FRMD6: variants seen among roughly 807,000 people sequenced by gnomAD.
FRMD6 encodes the protein FERM domain-containing protein 6.
In FRMD6, 37 loss-of-function variants were observed where a neutral mutation model predicts 73.2. The observed-to-expected ratio is 0.51, with a 90% CI of 0.39 to 0.66. FRMD6 has a LOEUF of 0.66. Ranked by LOEUF, FRMD6 falls within the 30% of genes least tolerant of loss-of-function variation. The probability of loss-of-function intolerance (pLI) is 0.00; values close to 1 mark genes in which losing one functional copy is unlikely to be tolerated. For missense variants in FRMD6, 714 were observed against 780.5 expected (o/e 0.91, Z 1.02); for synonymous variants, 273 against 282.2 (o/e 0.97, Z 0.33).
At chr14:51,399,758 T>C in the FRMD6 span, among the ~76,000 whole-genome samples, 1 of 152,208 alleles carries the variant, frequency 6.6e-6, no homozygotes, top group Non-Finnish European at 1.5e-5. Context: ...ATTTATATTA[T>C]TGATTGACTC....
At chr14:51,537,908 C>A (rs1199015425) in intron 1 of FRMD6, among the ~76,000 whole-genome samples, 3 of 152,042 alleles carry the variant, frequency 2.0e-5, no homozygotes, top group South Asian at 2.1e-4. Flanking sequence ...AATAACAGTT[C>A]TTTATCAGAT....
At chr14:51,424,066 T>G in the FRMD6 span, among the ~76,000 whole-genome samples, 1 of 152,334 alleles carries the variant, frequency 6.6e-6, no homozygotes, top group South Asian at 2.1e-4. Flanking sequence ...ACTGAAAAAT[T>G]GGGCAGTAAT....
Position 51,719,848 on chromosome 14 carries a change from T to C in FRMD6, c.1025-207T>C, listed in dbSNP as rs145042045. 1.5e-4 allele frequency among the ~76,000 whole-genome samples: 23 copies of C among 152,294 alleles called. No individual in the cohort carries two copies. In the East Asian group the frequency reaches 4.2e-3, roughly 28 times the overall value. ...TGCTTGAAGCTTTCAAAAAACTAAGTAGTTTAAATATCCCCCTCAAATCTG... is the reference window on the plus strand; with the variant it reads ...TGCTTGAAGCTTTCAAAAAACTAAGCAGTTTAAATATCCCCCTCAAATCTG... On this transcript the variant is annotated intron_variant, in intron 10 of 13. Coordinates refer to ENST00000344768, the MANE Select transcript of FRMD6 (RefSeq NM_001267046.2).
chr14:51,724,185 A>C (rs1417015273), intron 12 of FRMD6: 1 of 152,132 alleles, frequency 6.6e-6, no homozygotes, highest in African/African-American at 2.4e-5. Flanking sequence ...ATGACATGCA[A>C]ATTTGTGAAG....
At chr14:51,537,079 AT>A (rs1291978066) in intron 1 of FRMD6, among the ~76,000 whole-genome samples, 1 of 152,174 alleles carries the variant, frequency 6.6e-6, no homozygotes, top group Non-Finnish European at 1.5e-5. Flanking sequence ...TATGTTGTAT[AT>A]TTTATGGGTT....
At position 51,728,622 on chromosome 14, in the gene FRMD6, C is replaced by T. The variant is rs1898112699; in HGVS notation, c.*593C>T. The T allele has an allele frequency of 6.5e-6, 1 of 153,920 alleles. No homozygotes were observed. The highest frequency in any genetic ancestry group is 2.0e-4 in the South Asian group (1 of 4,894). 9.5% of individuals were successfully genotyped at this position (153,920 alleles called of 1,614,324 possible). A position where few individuals can be genotyped will look rare whatever the true frequency, so the allele number is the denominator to read the frequency against. On this transcript the variant is annotated 3_prime_UTR_variant, in exon 14 of 14. Coordinates refer to ENST00000344768, the MANE Select transcript of FRMD6 (RefSeq NM_001267046.2). ...GTGACAGAAGCACATAAGCAATAAG[C>T]AGAAAACCAGAAGTGCATGCTGTGA...
At chr14:51,720,490 A>G (rs754815972) in intron 11 of FRMD6, 100 bp downstream of exon 11, 1 of 1,027,806 alleles carries the variant, frequency 9.7e-7, no homozygotes, top group Non-Finnish European at 1.5e-6. Flanking sequence ...TTTAGGCAGT[A>G]GTAATAAAGT....
At chr14:51,410,619 A>G in the FRMD6 span, among the ~76,000 whole-genome samples, 1 of 152,216 alleles carries the variant, frequency 6.6e-6, no homozygotes, top group African/African-American at 2.4e-5. Flanking sequence ...TCAAGGTCAG[A>G]TATGTGAAAA....
intron 7 of FRMD6, among the ~76,000 whole-genome samples, chr14:51,708,701 A>G (rs1896773636): frequency 6.6e-6 from 1 of 152,030 alleles, no homozygotes; most frequent in African/African-American, 2.4e-5. Flanking sequence ...GGCACACTTT[A>G]TATGTGTTTT....
At chr14:51,549,989 T>C (rs1886719139) in intron 1 of FRMD6, among the ~76,000 whole-genome samples, 1 of 152,202 alleles carries the variant, frequency 6.6e-6, no homozygotes, top group Admixed American at 6.5e-5. Context: ...CAATGGCTTT[T>C]TAATTTTTGC....
At chr14:51,413,591 A>G in the FRMD6 span, among the ~76,000 whole-genome samples, 1,439 of 152,246 alleles carry the variant, frequency 9.5e-3, 22 homozygotes, top group African/African-American at 0.032. Context: ...CCAAGTCTTT[A>G]CTATGTGAAT....
the FRMD6 span, among the ~76,000 whole-genome samples, chr14:51,477,083 T>C: frequency 6.6e-6 from 1 of 152,224 alleles, no homozygotes; most frequent in African/African-American, 2.4e-5. Context: ...TTCAAACATA[T>C]GGCAGAAGAA....
intron 2 of FRMD6, among the ~76,000 whole-genome samples, chr14:51,575,163 A>G (rs1238617584): frequency 6.6e-6 from 1 of 152,180 alleles, no homozygotes; most frequent in Non-Finnish European, 1.5e-5. Context: ...ATCCTCTTTC[A>G]TTGCTGAGAA....
At chr14:51,467,977 C>T in the FRMD6 span, among the ~76,000 whole-genome samples, 1 of 152,202 alleles carries the variant, frequency 6.6e-6, no homozygotes, top group African/African-American at 2.4e-5. Flanking sequence ...CGAGATCACG[C>T]CACTGCACTC....
chr14:51,607,679 A>G (rs914711276), intron 2 of FRMD6, among the ~76,000 whole-genome samples: 3 of 152,248 alleles, frequency 2.0e-5, no homozygotes, highest in Non-Finnish European at 4.4e-5. Flanking sequence ...GTCCTAACAC[A>G]GATGGTACTG....
At chr14:51,516,163 G>T (rs918636384) in intron 1 of FRMD6, among the ~76,000 whole-genome samples, 2 of 152,062 alleles carry the variant, frequency 1.3e-5, no homozygotes, top group African/African-American at 4.8e-5. Context: ...TGAACCCCTT[G>T]CCTTGAATTC....
intron 2 of FRMD6, among the ~76,000 whole-genome samples, chr14:51,694,930 A>G (rs1164833098): frequency 6.7e-6 from 1 of 148,560 alleles, no homozygotes; most frequent in Non-Finnish European, 1.5e-5. Context: ...ATTTAATTAT[A>G]GTTTTTGAAT....
At chr14:51,571,449 T>C (rs1261662870) in intron 2 of FRMD6, among the ~76,000 whole-genome samples, 1 of 152,216 alleles carries the variant, frequency 6.6e-6, no homozygotes, top group Non-Finnish European at 1.5e-5. Flanking sequence ...CTATCCAGTA[T>C]CACCAATTCT....
the FRMD6 span, among the ~76,000 whole-genome samples, chr14:51,423,009 A>G: frequency 3.3e-5 from 5 of 152,110 alleles, no homozygotes; most frequent in Non-Finnish European, 7.3e-5. Context: ...CTTTTCCACC[A>G]CCACATGAAC....
Sources: allele counts gnomAD v4.1 joint callset (sites outside exome capture counted in the v4.1 genomes callset), GRCh38; gene constraint gnomAD v4.1.1; transcripts MANE v1.5; gene names NCBI Gene and HGNC (gene_info 2026-07-23, HGNC 2026-07-21).